The following ADAMTS14 variants were observed in gnomAD, a reference collection of about 807,000 sequenced individuals.
The protein encoded by ADAMTS14 is A disintegrin and metalloproteinase with thrombospondin motifs 14.
A neutral mutation model predicts 128.6 loss-of-function variants in ADAMTS14; 100 were observed. The observed-to-expected ratio is 0.78, with a 90% CI of 0.66 to 0.92. The LOEUF is 0.92. Among genes scored for constraint, ADAMTS14 ranks in the 40% least tolerant of loss-of-function variants. The pLI is 0.00. For missense variants in ADAMTS14, 1,562 were observed against 1,658.6 expected (o/e 0.94, Z 1.01); for synonymous variants, 665 against 653.8 (o/e 1.02, Z -0.26).
chr10:70,716,965 G>A (rs1354500428), intron 4 of ADAMTS14, among the ~76,000 whole-genome samples: 1 of 152,176 alleles, frequency 6.6e-6, no homozygotes, highest in African/African-American at 2.4e-5. Context: ...CGGGCTCCCC[G>A]CTCAGCCTTG....
intron 4 of ADAMTS14, among the ~76,000 whole-genome samples, chr10:70,713,506 C>T (rs1423462703): frequency 1.3e-5 from 2 of 152,232 alleles, no homozygotes; most frequent in African/African-American, 2.4e-5. Flanking sequence ...ATTAGGGCAC[C>T]GTCCCCTACT....
At chr10:70,745,950 C>T (rs1842166138) in intron 15 of ADAMTS14, among the ~76,000 whole-genome samples, 1 of 152,164 alleles carries the variant, frequency 6.6e-6, no homozygotes, top group South Asian at 2.1e-4. Flanking sequence ...ATATCTGTCA[C>T]ATAGTCCTCA....
At chr10:70,737,337 G>A (rs925310464) in intron 10 of ADAMTS14, among the ~76,000 whole-genome samples, 3 of 152,226 alleles carry the variant, frequency 2.0e-5, no homozygotes, top group African/African-American at 7.2e-5. Flanking sequence ...GGCTGGGTCT[G>A]AAACCCAGCT....
At chr10:70,751,088 T>C (rs533627557) in intron 16 of ADAMTS14, among the ~76,000 whole-genome samples, 1 of 152,152 alleles carries the variant, frequency 6.6e-6, no homozygotes, top group Non-Finnish European at 1.5e-5. Flanking sequence ...TTGCAAGTCA[T>C]ATATTTGATG....
At chr10:70,717,528 G>T (rs915407051) in intron 4 of ADAMTS14, among the ~76,000 whole-genome samples, 2 of 152,144 alleles carry the variant, frequency 1.3e-5, no homozygotes, top group African/African-American at 4.8e-5. Context: ...GTAAAGAAGA[G>T]GCATGAGAAC....
At chr10:70,699,874 G>A (rs552909899) in intron 2 of ADAMTS14, among the ~76,000 whole-genome samples, 2 of 152,242 alleles carry the variant, frequency 1.3e-5, no homozygotes, top group Non-Finnish European at 2.9e-5. Context: ...CTTGAGAGGC[G>A]TGATGGACCG....
chr10:70,678,554 C>T (rs1409557683), intron 2 of ADAMTS14, among the ~76,000 whole-genome samples: 3 of 151,526 alleles, frequency 2.0e-5, no homozygotes, highest in Admixed American at 2.0e-4. Context: ...GGAAGGAGCA[C>T]CATGTCAGGT....
At chr10:70,743,448 A>T (rs41277998) in intron 12 of ADAMTS14, 100 bp from the exon 13 acceptor site, 1 of 1,421,600 alleles carries the variant, frequency 7.0e-7, no homozygotes, top group Non-Finnish European at 9.4e-7. Flanking sequence ...AACTGTCCAG[A>T]GCTGGCCCCG....
At chr10:70,716,582 G>T (rs1841053772) in intron 4 of ADAMTS14, among the ~76,000 whole-genome samples, 2 of 152,200 alleles carry the variant, frequency 1.3e-5, no homozygotes, top group African/African-American at 4.8e-5. Context: ...CTTTTATTTG[G>T]CTGGGATGCT....
intron 11 of ADAMTS14, among the ~76,000 whole-genome samples, chr10:70,740,190 T>C (rs1841951954): frequency 1.3e-5 from 2 of 152,158 alleles, no homozygotes; most frequent in South Asian, 2.1e-4. Context: ...ATCATTATTA[T>C]AGTATGTCAA....
chr10:70,744,190 G>A lies in ADAMTS14; in HGVS notation c.2182+1G>A. The A allele has an allele frequency of 2.0e-6, 3 of 1,528,094 alleles. No homozygotes were observed. In the South Asian group the frequency reaches 3.7e-5, roughly 19 times the overall value. The allele number at this position is 1,528,094 out of a possible 1,614,324, so 94.7% of individuals were successfully genotyped here. A position where few individuals can be genotyped will look rare whatever the true frequency, so the allele number is the denominator to read the frequency against. On this transcript the variant is annotated splice_donor_variant, in intron 14 of 21. Coordinates refer to ENST00000373207, the MANE Select transcript of ADAMTS14 (RefSeq NM_080722.4). LOFTEE classifies it high-confidence loss of function. ...CTGGGCAAGGCCTCCAAGCAGGCAG[G>A]TGAGCCGGGCTGGGGCTGGGGGGAT...
At chr10:70,695,385 C>A (rs1236692140) in intron 2 of ADAMTS14, among the ~76,000 whole-genome samples, 1 of 152,114 alleles carries the variant, frequency 6.6e-6, no homozygotes, top group African/African-American at 2.4e-5. Context: ...AGATCTGGGT[C>A]ACTTTGAAGA....
chr10:70,699,611 G>A (rs1267745736), intron 2 of ADAMTS14, among the ~76,000 whole-genome samples: 1 of 152,202 alleles, frequency 6.6e-6, no homozygotes, highest in Admixed American at 6.5e-5. Context: ...TGGGCCAGAA[G>A]GAGGGGGTGG....
chr10:70,741,563 G>A (rs970504331), intron 12 of ADAMTS14, among the ~76,000 whole-genome samples: 10 of 152,174 alleles, frequency 6.6e-5, no homozygotes, highest in South Asian at 6.2e-4. Context: ...CGCCCTTCCC[G>A]TTGCATGACC....
intron 6 of ADAMTS14, 110 bp from the exon 7 acceptor site, chr10:70,732,144 G>A (rs1841658882): frequency 4.3e-6 from 4 of 940,752 alleles, no homozygotes; most frequent in South Asian, 1.4e-5. Flanking sequence ...CTCCAGGAAC[G>A]TCCCCACTCC....
At chr10:70,731,100 A>T (rs1157155766) in intron 6 of ADAMTS14, among the ~76,000 whole-genome samples, 4 of 151,596 alleles carry the variant, frequency 2.6e-5, no homozygotes, top group Non-Finnish European at 5.9e-5. Context: ...ACGTACAGAC[A>T]TCCACACACA....
chr10:70,673,676 A>G (rs57552343), intron 1 of ADAMTS14, among the ~76,000 whole-genome samples: 1 of 152,280 alleles, frequency 6.6e-6, no homozygotes, highest in Non-Finnish European at 1.5e-5. Context: ...TCTATGTTTC[A>G]TCAGTGACGT....
chr10:70,744,043 A>C, intron 13 of ADAMTS14, 23 bp from the exon 14 acceptor site: 1 of 1,553,840 alleles, frequency 6.4e-7, no homozygotes, highest in South Asian at 1.2e-5. Context: ...GCCTCCTCCC[A>C]CTGACCTCAC....
chr10:70,761,731 C>T lies in ADAMTS14; in HGVS notation c.*878C>T, dbSNP rs1842617964. 1 of 152,258 alleles carries T rather than the reference C, an allele frequency of 6.6e-6. No individual in the cohort carries two copies. Among genetic ancestry groups the T allele is most frequent in the Non-Finnish European group, 1.5e-5 (1 of 68,040 alleles). The allele number at this position is 152,258 out of a possible 1,614,324, so 9.4% of individuals were successfully genotyped here. A position where few individuals can be genotyped will look rare whatever the true frequency, so the allele number is the denominator to read the frequency against. ...CAGCCTGGAAGGGGACTCTGTGGGA[C>T]ACAGAGGGAACACGATTTCTCAGGC... is the stretch of plus-strand genomic sequence containing the variant. On this transcript the variant is annotated 3_prime_UTR_variant, in exon 22 of 22. Coordinates refer to ENST00000373207, the MANE Select transcript of ADAMTS14 (RefSeq NM_080722.4).
Sources: allele counts gnomAD v4.1 joint callset (sites outside exome capture counted in the v4.1 genomes callset), GRCh38; gene constraint gnomAD v4.1.1; transcripts MANE v1.5; gene names NCBI Gene and HGNC (gene_info 2026-07-23, HGNC 2026-07-21).